The following ARL15 variants were observed in gnomAD, a reference collection of about 807,000 sequenced individuals.
ARL15 encodes the protein ARF like GTPase 15, also known as ADP-ribosylation factor-like protein 15.
A neutral mutation model predicts 25.2 loss-of-function variants in ARL15; 19 were observed. That is an observed-to-expected ratio of 0.75 (90% CI 0.53 to 1.10). The LOEUF is 1.10. Among genes scored for constraint, ARL15 ranks in the 50% least tolerant of loss-of-function variants. The pLI is 0.00. For synonymous variants in ARL15, 94 were observed against 86.8 expected, an observed-to-expected ratio of 1.08 and a Z score of -0.46; for missense variants, 220 against 246.0, an observed-to-expected ratio of 0.89 and a Z score of 0.71.
At chr5:54,079,724 C>A (rs1489199939) in intron 4 of ARL15, among the ~76,000 whole-genome samples, 2 of 152,060 alleles carry the variant, frequency 1.3e-5, no homozygotes, top group African/African-American at 4.8e-5. Context: ...AATCCCAGCA[C>A]TTTGGGAAGC....
At chr5:54,121,424 A>G (rs924563228) in intron 3 of ARL15, among the ~76,000 whole-genome samples, 2 of 152,136 alleles carry the variant, frequency 1.3e-5, no homozygotes, top group South Asian at 2.1e-4. Flanking sequence ...GCTCAAGCAT[A>G]AAATAGTGAA....
chr5:54,212,401 C>G (rs577298016), intron 1 of ARL15, among the ~76,000 whole-genome samples: 80 of 152,246 alleles, frequency 5.3e-4, no homozygotes, highest in Non-Finnish European at 8.1e-4. Flanking sequence ...TCCCTTTTCA[C>G]AGGAAAGCAA....
At chr5:54,020,421 C>T (rs758325117) in intron 4 of ARL15, among the ~76,000 whole-genome samples, 147 of 152,176 alleles carry the variant, frequency 9.7e-4, no homozygotes, top group Non-Finnish European at 2.0e-3. Context: ...ACTCCTGCCC[C>T]TGCCAAGCAA....
intron 2 of ARL15, among the ~76,000 whole-genome samples, chr5:54,168,567 G>A (rs944899795): frequency 6.6e-6 from 1 of 151,860 alleles, no homozygotes; most frequent in Non-Finnish European, 1.5e-5. Flanking sequence ...CATCTAACAG[G>A]TCTCCCCCAA....
At chr5:54,201,777 C>A (rs1755732470) in intron 1 of ARL15, among the ~76,000 whole-genome samples, 1 of 152,128 alleles carries the variant, frequency 6.6e-6, no homozygotes, top group East Asian at 1.9e-4. Context: ...GTCTTCCTGG[C>A]CTTTACTGAG....
At chr5:53,902,565 G>A (rs1279331091) in intron 4 of ARL15, among the ~76,000 whole-genome samples, 1 of 152,142 alleles carries the variant, frequency 6.6e-6, no homozygotes, top group Non-Finnish European at 1.5e-5. Flanking sequence ...TTAATATATG[G>A]AACCCAAATA....
chr5:53,895,613 T>G (rs1744846103), intron 4 of ARL15, among the ~76,000 whole-genome samples: 1 of 152,206 alleles, frequency 6.6e-6, no homozygotes, highest in Non-Finnish European at 1.5e-5. Context: ...ATATACAGTT[T>G]GTTAAATTTA....
At chr5:53,906,882 C>T (rs929142314) in intron 4 of ARL15, among the ~76,000 whole-genome samples, 3 of 152,178 alleles carry the variant, frequency 2.0e-5, no homozygotes, top group Non-Finnish European at 4.4e-5. Flanking sequence ...CCTCCCCACA[C>T]CAGTCCTTCC....
chr5:54,293,322 C>T (rs1041288446), intron 1 of ARL15, among the ~76,000 whole-genome samples: 2 of 152,282 alleles, frequency 1.3e-5, no homozygotes, highest in East Asian at 1.9e-4. Flanking sequence ...ATCAGAACAG[C>T]TTCATTGTCC....
At chr5:54,113,867 G>C (rs1054959583) in intron 3 of ARL15, among the ~76,000 whole-genome samples, 4 of 152,096 alleles carry the variant, frequency 2.6e-5, no homozygotes, top group African/African-American at 9.7e-5. Flanking sequence ...TTTTTTAACA[G>C]AACTGCTTGC....
In ARL15 at chr5:54,294,529, G is replaced by C. The variant is rs115271731; in HGVS notation, c.48+15903C>G. Among the ~76,000 whole-genome samples the C allele has an allele frequency of 8.2e-3, 1,247 of 152,200 alleles. 11 individuals are homozygous for C. The highest frequency in any genetic ancestry group is 0.013 in the Non-Finnish European group (906 of 68,012). ...GGAGATTAGAAAGAAGGGAAGGTAG[G>C]GCTTTTCTTCTCCCAAAACTAACCT... is the stretch of plus-strand genomic sequence containing the variant. On this transcript the variant is annotated intron_variant, in intron 1 of 4. Coordinates refer to ENST00000504924, the MANE Select transcript of ARL15 (RefSeq NM_019087.3).
At chr5:54,276,167 G>A (rs1378379723) in intron 1 of ARL15, among the ~76,000 whole-genome samples, 1 of 152,158 alleles carries the variant, frequency 6.6e-6, no homozygotes, top group Non-Finnish European at 1.5e-5. Context: ...TCATTAAAAT[G>A]TGTGATTATG....
At chr5:54,137,130 C>A (rs1753629665) in intron 3 of ARL15, among the ~76,000 whole-genome samples, 2 of 151,620 alleles carry the variant, frequency 1.3e-5, no homozygotes, top group South Asian at 4.2e-4. Flanking sequence ...CCACTCATTG[C>A]ACATTAAAAA....
chr5:54,211,792 C>G (rs1250886465), intron 1 of ARL15, among the ~76,000 whole-genome samples: 1 of 151,988 alleles, frequency 6.6e-6, no homozygotes, highest in Non-Finnish European at 1.5e-5. Flanking sequence ...CTTTTATACT[C>G]TTATCTTACT....
At chr5:54,240,251 T>A (rs1756924717) in intron 1 of ARL15, among the ~76,000 whole-genome samples, 1 of 135,152 alleles carries the variant, frequency 7.4e-6, no homozygotes, top group African/African-American at 3.0e-5. Context: ...AAAAAACACA[T>A]CGCCAATAAT....
intron 4 of ARL15, among the ~76,000 whole-genome samples, chr5:54,033,441 G>A (rs1431160931): frequency 6.6e-6 from 1 of 152,022 alleles, no homozygotes; most frequent in Non-Finnish European, 1.5e-5. Context: ...AGGCCGAGGC[G>A]GGTGGATCAT....
rs193290792 is a variant in ARL15 at position 54,174,689 on chromosome 5, T to C, written c.49-2761A>G. 3.3e-5 allele frequency among the ~76,000 whole-genome samples: 5 copies of C among 152,326 alleles called. No homozygotes were observed. The East Asian group carries it at 7.7e-4, about 24-fold the overall frequency. On this transcript the variant is annotated intron_variant, in intron 1 of 4. Transcript: ENST00000504924. ...TTCTAAACGCCAACACATCACTTCA[T>C]GGATTCATATGAAGGCTGGCTGATA...
At chr5:54,024,114 C>A (rs1749701736) in intron 4 of ARL15, among the ~76,000 whole-genome samples, 1 of 152,176 alleles carries the variant, frequency 6.6e-6, no homozygotes, top group Non-Finnish European at 1.5e-5. Context: ...TATTAATCTG[C>A]CTTTTGTCAG....
chr5:53,984,254 C>T (rs557237587), intron 4 of ARL15, among the ~76,000 whole-genome samples: 74 of 152,182 alleles, frequency 4.9e-4, no homozygotes, highest in Non-Finnish European at 9.3e-4. Context: ...TTCCTCTGAA[C>T]TCTCTCCAGC....
Sources: allele counts gnomAD v4.1 joint callset (sites outside exome capture counted in the v4.1 genomes callset), GRCh38; gene constraint gnomAD v4.1.1; transcripts MANE v1.5; gene names NCBI Gene and HGNC (gene_info 2026-07-23, HGNC 2026-07-21).